Variants in RAB8B observed in about 807,000 individuals in gnomAD.
RAB8B encodes ras-related protein Rab-8B.
RAB8B carries 11 observed loss-of-function variants against 32.0 expected under a neutral mutation model. That is an observed-to-expected ratio of 0.34 (90% CI 0.22 to 0.57). The LOEUF is 0.57. Ranked by LOEUF, RAB8B falls within the 20% of genes least tolerant of loss-of-function variation. RAB8B has a pLI of 0.86. For synonymous variants in RAB8B, 103 were observed against 89.6 expected, an observed-to-expected ratio of 1.15 and a Z score of -0.85; for missense variants, 190 against 258.5, an observed-to-expected ratio of 0.73 and a Z score of 1.82.
chr15:63,191,459 G>A lies in RAB8B; in HGVS notation c.124+1711G>A, dbSNP rs1343212499. Among the ~76,000 whole-genome samples the A allele has an allele frequency of 2.6e-5, 4 of 152,204 alleles. No homozygotes were observed. The East Asian group carries it at 7.7e-4, about 29-fold the overall frequency. On this transcript the variant is annotated intron_variant, in intron 1 of 7. Transcript: ENST00000321437. ...AAGTTTGAATTGCAAGTTCTTGGCA[G>A]TCAGTCTTGAGTGGGACTTTTTCTT...
intron 1 of RAB8B, among the ~76,000 whole-genome samples, chr15:63,197,370 CTTTTTTTTTTTT>C (rs58765418): frequency 3.3e-5 from 2 of 61,412 alleles, no homozygotes; most frequent in African/African-American, 7.2e-5. Context: ...TCTTTCTTTT[CTTTTTTTTTTTT>C]TTTTTTTTTA....
intron 1 of RAB8B, among the ~76,000 whole-genome samples, chr15:63,239,537 C>A (rs2038014316): frequency 6.6e-6 from 1 of 151,792 alleles, no homozygotes; most frequent in Non-Finnish European, 1.5e-5. Context: ...CTGCCTTAGC[C>A]TCCCCGCTAG....
chr15:63,225,610 C>G (rs982845843), intron 1 of RAB8B, among the ~76,000 whole-genome samples: 9 of 151,674 alleles, frequency 5.9e-5, no homozygotes, highest in African/African-American at 2.2e-4. Context: ...TCCTGAAGAG[C>G]AAACCTTAGA....
rs140528015 is a variant in RAB8B at position 63,255,719 on chromosome 15, C to T, written c.324+135C>T. On this transcript the variant is annotated intron_variant, in intron 4 of 7. Transcript: ENST00000321437. ...GGTTGGGCCCTCTCTCTCTGAAGAG[C>T]TCCATAAATCTCTGGTGCTGCCAGT... is the stretch of plus-strand genomic sequence containing the variant. The T allele has an allele frequency of 3.8e-3, 2,427 of 636,044 alleles. 11 individuals are homozygous for T. The highest frequency in any genetic ancestry group is 0.013 in the East Asian group (488 of 37,392). 39.4% of individuals were successfully genotyped at this position (636,044 alleles called of 1,614,324 possible). A position where few individuals can be genotyped will look rare whatever the true frequency, so the allele number is the denominator to read the frequency against.
chr15:63,239,588 T>G (rs887897102), intron 1 of RAB8B, among the ~76,000 whole-genome samples: 2 of 151,790 alleles, frequency 1.3e-5, no homozygotes, highest in African/African-American at 4.8e-5. Context: ...AGCTAATTTT[T>G]TTAGTAGAGT....
At chr15:63,210,611 C>T (rs988911851) in intron 1 of RAB8B, among the ~76,000 whole-genome samples, 6 of 152,148 alleles carry the variant, frequency 3.9e-5, no homozygotes, top group African/African-American at 1.4e-4. Flanking sequence ...TTTTTTCACA[C>T]CAAAGCACTG....
intron 1 of RAB8B, among the ~76,000 whole-genome samples, chr15:63,228,037 T>C (rs1428728522): frequency 6.6e-6 from 1 of 152,126 alleles, no homozygotes; most frequent in African/African-American, 2.4e-5. Flanking sequence ...AGGGTCTCAC[T>C]TTGTCACCCA....
At chr15:63,253,618 G>A (rs2038134530) in intron 3 of RAB8B, among the ~76,000 whole-genome samples, 1 of 151,738 alleles carries the variant, frequency 6.6e-6, no homozygotes. Flanking sequence ...GGAGTTTGAG[G>A]CCAGTCTGGG....
chr15:63,251,091 G>A (rs1266170776), intron 3 of RAB8B, among the ~76,000 whole-genome samples: 1 of 151,884 alleles, frequency 6.6e-6, no homozygotes, highest in East Asian at 1.9e-4. Context: ...AGGCTGAAGT[G>A]TACCACTAAC....
At chr15:63,258,108 T>C (rs2038173283) in intron 5 of RAB8B, among the ~76,000 whole-genome samples, 1 of 151,708 alleles carries the variant, frequency 6.6e-6, no homozygotes, top group Non-Finnish European at 1.5e-5. Flanking sequence ...TAGTTTTTTT[T>C]TTTTTTATTT....
chr15:63,205,346 A>T (rs1424766677), intron 1 of RAB8B, among the ~76,000 whole-genome samples: 1 of 152,156 alleles, frequency 6.6e-6, no homozygotes, highest in Non-Finnish European at 1.5e-5. Context: ...AATACAATTT[A>T]AAAATTAGCC....
intron 1 of RAB8B, among the ~76,000 whole-genome samples, chr15:63,228,601 G>A (rs1389456476): frequency 6.6e-6 from 1 of 152,166 alleles, no homozygotes; most frequent in Non-Finnish European, 1.5e-5. Context: ...AAATAAACTG[G>A]AACTGCAGTA....
At chr15:63,197,379 T>C (rs1372776970) in intron 1 of RAB8B, among the ~76,000 whole-genome samples, 1 of 139,178 alleles carries the variant, frequency 7.2e-6, no homozygotes. Flanking sequence ...TCTTTTTTTT[T>C]TTTTTTTTTT....
chr15:63,211,094 T>C (rs541737973), intron 1 of RAB8B, among the ~76,000 whole-genome samples: 1 of 152,346 alleles, frequency 6.6e-6, no homozygotes, highest in African/African-American at 2.4e-5. Context: ...GGAAGGATCC[T>C]ATGGTTGGTT....
rs1485623898 is a variant in RAB8B, at chr15:63,266,595, C to G, written c.*2976C>G. Reference sequence around the variant, plus strand: ...AAACAGTGAGCCAGCCTTTAAGCATCTAACAAAATTTAGACTCTTTGTTTT... The same window carrying G: ...AAACAGTGAGCCAGCCTTTAAGCATGTAACAAAATTTAGACTCTTTGTTTT... On this transcript the variant is annotated 3_prime_UTR_variant, in exon 8 of 8. Coordinates refer to ENST00000321437, the MANE Select transcript of RAB8B (RefSeq NM_016530.3). 2 of 152,550 alleles carry G rather than the reference C, an allele frequency of 1.3e-5. No homozygotes were observed. Among genetic ancestry groups the G allele is most frequent in the African/African-American group, 2.4e-5 (1 of 41,430 alleles). The allele number at this position is 152,550 out of a possible 1,614,324, so 9.4% of individuals were successfully genotyped here.
chr15:63,231,285 T>A (rs903257659), intron 1 of RAB8B, among the ~76,000 whole-genome samples: 4 of 152,196 alleles, frequency 2.6e-5, no homozygotes, highest in African/African-American at 9.7e-5. Flanking sequence ...ATTAGTTTAT[T>A]TTTTTAGCTT....
chr15:63,241,446 GT>G (rs1383364701), intron 1 of RAB8B, among the ~76,000 whole-genome samples: 1 of 151,956 alleles, frequency 6.6e-6, no homozygotes, highest in African/African-American at 2.4e-5. Context: ...GAAAGTCATT[GT>G]TTTTTTTATT....
intron 1 of RAB8B, among the ~76,000 whole-genome samples, chr15:63,221,134 G>A (rs925378828): frequency 1.3e-5 from 2 of 152,162 alleles, no homozygotes; most frequent in African/African-American, 4.8e-5. Context: ...TCCAGACAAT[G>A]GGGAGATCTT....
chr15:63,262,827 A>T (rs1438597932), intron 7 of RAB8B, 85 bp downstream of exon 7: 3 of 526,246 alleles, frequency 5.7e-6, no homozygotes, highest in Non-Finnish European at 8.8e-6. Flanking sequence ...TAAGATACTC[A>T]AATTAAACTC....
Sources: gnomAD v4.1 joint callset for allele counts (sites outside exome capture counted in the v4.1 genomes callset) on GRCh38, gnomAD v4.1.1 for gene constraint, MANE v1.5 for transcripts, NCBI Gene and HGNC (gene_info 2026-07-23, HGNC 2026-07-21) for gene names.